CREB5: variants seen among roughly 807,000 people sequenced by gnomAD.
CREB5 encodes cyclic AMP-responsive element-binding protein 5.
CREB5 carries 19 observed loss-of-function variants against 57.1 expected under a neutral mutation model. The observed-to-expected ratio is 0.33, with a 90% CI of 0.23 to 0.49. The LOEUF (loss-of-function observed/expected upper bound fraction) is 0.49. Ranked by LOEUF, CREB5 falls within the 20% of genes least tolerant of loss-of-function variation. CREB5 has a pLI of 0.99. For synonymous variants in CREB5, 238 were observed against 238.3 expected (o/e 1.00, Z 0.01); for missense variants, 579 against 671.6 (o/e 0.86, Z 1.52).
chr7:28,691,350 G>A (rs533959162), intron 5 of CREB5, among the ~76,000 whole-genome samples: 56 of 148,956 alleles, frequency 3.8e-4, no homozygotes, highest in Non-Finnish European at 5.3e-4. Flanking sequence ...AACCCAGGAG[G>A]CAGAGGTTGC....
At chr7:28,526,199 G>A (rs1793442426) in intron 4 of CREB5, among the ~76,000 whole-genome samples, 1 of 152,180 alleles carries the variant, frequency 6.6e-6, no homozygotes, top group African/African-American at 2.4e-5. Context: ...ATACTGAGCA[G>A]GAAATAATCT....
chr7:28,640,858 T>C (rs922479666), intron 5 of CREB5, among the ~76,000 whole-genome samples: 1 of 152,176 alleles, frequency 6.6e-6, no homozygotes, highest in Non-Finnish European at 1.5e-5. Flanking sequence ...CATCGGTCAT[T>C]GCAGCAGCAT....
intron 5 of CREB5, among the ~76,000 whole-genome samples, chr7:28,575,850 G>A (rs1051242551): frequency 6.6e-6 from 1 of 152,156 alleles, no homozygotes; most frequent in Non-Finnish European, 1.5e-5. Flanking sequence ...CCCATGCAGA[G>A]CCTTGAGAAA....
intron 1 of CREB5, among the ~76,000 whole-genome samples, chr7:28,428,893 C>T (rs1788610349): frequency 6.6e-6 from 1 of 152,186 alleles, no homozygotes; most frequent in Non-Finnish European, 1.5e-5. Context: ...GCCTCAGGGC[C>T]TTGGCATATG....
intron 5 of CREB5, among the ~76,000 whole-genome samples, chr7:28,689,805 C>T (rs996502937): frequency 2.0e-5 from 3 of 151,958 alleles, no homozygotes; most frequent in African/African-American, 7.3e-5. Flanking sequence ...AGCACAAAAG[C>T]CTGTGTCTGC....
At chr7:28,575,508 T>G (rs951644147) in intron 5 of CREB5, among the ~76,000 whole-genome samples, 1 of 152,198 alleles carries the variant, frequency 6.6e-6, no homozygotes, top group Non-Finnish European at 1.5e-5. Flanking sequence ...CAAACCAAAG[T>G]GAGCATGAGT....
chr7:28,648,388 C>T (rs1445308607), intron 5 of CREB5, among the ~76,000 whole-genome samples: 1 of 152,098 alleles, frequency 6.6e-6, no homozygotes, highest in African/African-American at 2.4e-5. Flanking sequence ...AGACAATGAA[C>T]AGGCTGTATT....
chr7:28,486,207 T>G (rs1189793453), intron 1 of CREB5, among the ~76,000 whole-genome samples: 2 of 152,174 alleles, frequency 1.3e-5, no homozygotes, highest in Non-Finnish European at 2.9e-5. Flanking sequence ...AATATCTGAC[T>G]GACAATGTTA....
intron 5 of CREB5, among the ~76,000 whole-genome samples, chr7:28,631,295 G>A (rs1583449293): frequency 6.6e-6 from 1 of 152,136 alleles, no homozygotes; most frequent in African/African-American, 2.4e-5. Flanking sequence ...TGTGTGGAGT[G>A]TAATCAAAAC....
chr7:28,614,283 T>G (rs1486055864), intron 5 of CREB5, among the ~76,000 whole-genome samples: 5 of 152,214 alleles, frequency 3.3e-5, no homozygotes, highest in Non-Finnish European at 5.9e-5. Flanking sequence ...CTTGTTCAGA[T>G]GGCAGTCATT....
intron 7 of CREB5, among the ~76,000 whole-genome samples, chr7:28,801,211 G>A (rs1323451993): frequency 6.6e-6 from 1 of 152,226 alleles, no homozygotes; most frequent in Non-Finnish European, 1.5e-5. Context: ...GGTTACATCT[G>A]AGGAACAGGA....
rs1027724917 is a variant in CREB5 at position 28,570,406 on chromosome 7, G to A, written c.333G>A (p.Gly111=). The change falls in exon 5 of 11, where the codon GGG becomes GGA. Residue 111 remains glycine, a synonymous_variant. Transcript: ENST00000357727. Reference sequence around the variant, plus strand: ...ATGCAGTTGGTGGGGCCATGACGGGGCCCGGAACTCACCAGCTTAGCAGCG... The same window carrying A: ...ATGCAGTTGGTGGGGCCATGACGGGACCCGGAACTCACCAGCTTAGCAGCG... ...MHNAVGGAMT[G]PGTHQLSSAR... is the part of the protein sequence containing the mutation. 2 of 1,614,018 alleles carry A rather than the reference G, an allele frequency of 1.2e-6. No individual in the cohort carries two copies. Among genetic ancestry groups the A allele is most frequent in the East Asian group, 4.5e-5 (2 of 44,898 alleles).
intron 1 of CREB5, among the ~76,000 whole-genome samples, chr7:28,400,383 G>A (rs116450795): frequency 6.6e-6 from 1 of 152,194 alleles, no homozygotes; most frequent in African/African-American, 2.4e-5. Context: ...CCCAGAGTGG[G>A]TGCTCACAAA....
At chr7:28,724,559 A>G in intron 7 of CREB5, 1 of 495,278 alleles carries the variant, frequency 2.0e-6, no homozygotes, top group Non-Finnish European at 3.6e-6. Context: ...TAATGAAAGG[A>G]ACATTTAGGA....
At chr7:28,519,670 A>G (rs1041569529) in intron 4 of CREB5, among the ~76,000 whole-genome samples, 1 of 152,234 alleles carries the variant, frequency 6.6e-6, no homozygotes, top group Non-Finnish European at 1.5e-5. Flanking sequence ...CTTTGACCTC[A>G]TTAAAGTAGT....
At chr7:28,674,704 C>A (rs559657739) in intron 5 of CREB5, among the ~76,000 whole-genome samples, 4 of 152,222 alleles carry the variant, frequency 2.6e-5, no homozygotes, top group Non-Finnish European at 5.9e-5. Context: ...TTGGCACAAG[C>A]CTGTATCACT....
chr7:28,612,540 A>AGG (rs1472161132), intron 5 of CREB5, among the ~76,000 whole-genome samples: 50 of 113,456 alleles, frequency 4.4e-4, no homozygotes, highest in African/African-American at 9.5e-4. Context: ...CATTTAGAGA[A>AGG]GGGGTGTGTG....
intron 1 of CREB5, among the ~76,000 whole-genome samples, chr7:28,365,085 C>T (rs1341577866): frequency 1.3e-5 from 2 of 152,192 alleles, no homozygotes; most frequent in Non-Finnish European, 2.9e-5. Context: ...CATTCCACCT[C>T]ACCATCAATT....
chr7:28,790,460 GATAGAGAGAGAGAGAA>G (rs1344818297), intron 7 of CREB5, among the ~76,000 whole-genome samples: 740 of 33,680 alleles, frequency 0.022, 8 homozygotes, highest in African/African-American at 0.1. Flanking sequence ...GAGAGAGAGA[GATAGAGAGAGAGAGAA>G]AGAAAGAAAG....
Sources: gnomAD v4.1 joint callset for allele counts (sites outside exome capture counted in the v4.1 genomes callset) on GRCh38, gnomAD v4.1.1 for gene constraint, MANE v1.5 for transcripts, NCBI Gene and HGNC (gene_info 2026-07-23, HGNC 2026-07-21) for gene names.